Variants in NPC1L1 observed in about 807,000 individuals in gnomAD.
NPC1L1 encodes NPC1 like intracellular cholesterol transporter 1, also known as NPC1-like intracellular cholesterol transporter 1.
NPC1L1 carries 98 observed loss-of-function variants against 117.0 expected under a neutral mutation model. That is an observed-to-expected ratio of 0.84 (90% CI 0.71 to 0.99). The LOEUF is 0.99. Ranked by LOEUF, NPC1L1 falls within the 50% of genes least tolerant of loss-of-function variation. NPC1L1 has a pLI of 0.00. For missense variants in NPC1L1, 1,540 were observed against 1,710.0 expected, an observed-to-expected ratio of 0.90 and a Z score of 1.75; for synonymous variants, 729 against 727.6, an observed-to-expected ratio of 1.00 and a Z score of -0.03.
At chr7:44,515,191 C>G (rs530754157) in intron 18 of NPC1L1, among the ~76,000 whole-genome samples, 1 of 151,548 alleles carries the variant, frequency 6.6e-6, no homozygotes, top group East Asian at 2.0e-4. Flanking sequence ...CCCATCTCTA[C>G]AAAAAATAAA....
intron 10 of NPC1L1, among the ~76,000 whole-genome samples, chr7:44,525,758 A>G (rs1234797066): frequency 6.6e-6 from 1 of 152,212 alleles, no homozygotes; most frequent in African/African-American, 2.4e-5. Flanking sequence ...AAAAATAGAA[A>G]ATATTGAAAA....
At position 44,515,950 on chromosome 7, in the gene NPC1L1, C is replaced by T; in HGVS notation, c.3649G>A (p.Ala1217Thr). ...SMGSAVFAGVAMTNLPGILVL... is the reference protein window; with the variant it reads ...SMGSAVFAGVTMTNLPGILVL... ...AGGATGCCAGGCAGGTTGGTCATGG[C>T]CACACCTGCAAACACCTGGGGGGTT... The change falls in exon 18 of 19, where the codon GCC becomes ACC. Residue 1217 changes from alanine to threonine, a missense_variant. Physicochemically the swap from Ala to Thr is moderately conservative, Grantham distance 58. Coordinates refer to ENST00000381160, the MANE Select transcript of NPC1L1 (RefSeq NM_001101648.2). 6.2e-7 allele frequency: 1 copy of T among 1,613,986 alleles called. No individual in the cohort carries two copies. Among genetic ancestry groups the T allele is most frequent in the Non-Finnish European group, 8.5e-7 (1 of 1,179,958 alleles).
At chr7:44,513,675 C>T (rs757930533) in intron 18 of NPC1L1, 26 bp from the exon 19 acceptor site, 8 of 1,609,114 alleles carry the variant, frequency 5.0e-6, no homozygotes, top group Non-Finnish European at 6.8e-6. Context: ...GAACCACAGT[C>T]AGAGAGGTGG....
chr7:44,526,590 G>C lies in NPC1L1; in HGVS notation c.2638-4348C>G, dbSNP rs376927112. 2.7e-5 allele frequency among the ~76,000 whole-genome samples: 4 copies of C among 150,184 alleles called. 1 individual carries two copies. In the East Asian group the frequency reaches 7.7e-4, roughly 29 times the overall value. On this transcript the variant is annotated intron_variant, in intron 10 of 18. Coordinates refer to ENST00000381160, the MANE Select transcript of NPC1L1 (RefSeq NM_001101648.2). ...CTAAAAATTAAAAATAAAAATGAGG[G>C]AGATGCCAGATGAGGTGATTCGTCC... is the stretch of plus-strand genomic sequence containing the variant.
Position 44,539,502 on chromosome 7 carries a change from T to A in NPC1L1, c.895A>T (p.Thr299Ser). The A allele has an allele frequency of 6.2e-7, 1 of 1,613,506 alleles. No homozygotes were observed. Among genetic ancestry groups the A allele is most frequent in the South Asian group, 1.1e-5 (1 of 91,062 alleles). The change falls in exon 2 of 19, where the codon ACC becomes TCC. Residue 299 changes from threonine to serine, a missense_variant. Physicochemically the swap from Thr to Ser is moderately conservative, Grantham distance 58 (BLOSUM62 1). Coordinates refer to ENST00000381160, the MANE Select transcript of NPC1L1 (RefSeq NM_001101648.2). The surrounding 1 kb of genome is among the most constrained non-coding windows in gnomAD (Gnocchi z 4.4). ...IILCSVFAVV[T>S]ILLVGFRVAP... ...ACACGGAATCCCACAAGCAGGATGG[T>A]GACCACAGCGAAGACAGAGCAGAGG...
At chr7:44,515,343 G>T (rs1000597662) in intron 18 of NPC1L1, among the ~76,000 whole-genome samples, 3 of 152,160 alleles carry the variant, frequency 2.0e-5, no homozygotes, top group Admixed American at 6.5e-5. Flanking sequence ...GTCAGAGCAA[G>T]ACCCTGTCTC....
Position 44,536,026 on chromosome 7 carries a change from T to A in NPC1L1, c.1855-58A>T, listed in dbSNP as rs1369272539. On this transcript the variant is annotated intron_variant, in intron 4 of 18. Transcript: ENST00000381160. This position sits in a 1 kb window ranked among gnomAD's most constrained non-coding sequence, Gnocchi z 4.7. ...CCGTGCCTGCTTCAGCCAGGCCAGC[T>A]CTCAATAGCTCGGTCACTGGGCACT... 18 of 1,611,342 alleles carry A rather than the reference T, an allele frequency of 1.1e-5. No individual in the cohort carries two copies. In the East Asian group the frequency reaches 3.8e-4, roughly 34 times the overall value.
Position 44,532,113 on chromosome 7 carries a change from G to C in NPC1L1, c.2514C>G (p.Pro838=), listed in dbSNP as rs143681066. Residue 838 remains proline (P), a synonymous_variant, in exon 9 of 19, where the codon CCC becomes CCG. Transcript: ENST00000381160. ...LLGFFQKAYA[P]FLLHWITRGV... is the part of the protein sequence containing the mutation. ...CTCGAGTGATCCAGTGCAGCAGGAA[G>C]GGGGCATAAGCCTTTTGGAAGAAGC... The C allele has an allele frequency of 4.8e-4, 778 of 1,614,196 alleles. No individual in the cohort carries two copies. Among genetic ancestry groups the C allele is most frequent in the Non-Finnish European group, 6.3e-4 (741 of 1,180,036 alleles).
At chr7:44,519,565 C>T (rs1224794178) in intron 14 of NPC1L1, among the ~76,000 whole-genome samples, 2 of 152,156 alleles carry the variant, frequency 1.3e-5, no homozygotes, top group Non-Finnish European at 2.9e-5. Context: ...GCAGTTCAAA[C>T]TATGAATTAT....
Position 44,536,105 on chromosome 7 carries a change from T to C in NPC1L1, c.1855-137A>G. Reference sequence around the variant, plus strand: ...GGCCCCCTATAATCGCAGGTGAGGCTATAAGAACAGCCATCACAATCACCC... The same window carrying C: ...GGCCCCCTATAATCGCAGGTGAGGCCATAAGAACAGCCATCACAATCACCC... On this transcript the variant is annotated intron_variant, in intron 4 of 18. Transcript: ENST00000381160. The surrounding 1 kb of genome is among the most constrained non-coding windows in gnomAD (Gnocchi z 4.7). The C allele has an allele frequency of 1.3e-6, 2 of 1,538,704 alleles. No individual in the cohort carries two copies. The highest frequency in any genetic ancestry group is 1.8e-6 in the Non-Finnish European group (2 of 1,115,868).
At chr7:44,518,350 A>G (rs1801251994) in intron 14 of NPC1L1, among the ~76,000 whole-genome samples, 1 of 150,004 alleles carries the variant, frequency 6.7e-6, no homozygotes, top group South Asian at 2.2e-4. Context: ...TTGTATTTTT[A>G]GTAGAGACAG....
rs1413644589 is a variant in NPC1L1 at position 44,533,522 on chromosome 7, G to A, written c.2318C>T (p.Ala773Val). The A allele has an allele frequency of 2.5e-6, 4 of 1,614,212 alleles. No individual in the cohort carries two copies. The highest frequency in any genetic ancestry group is 2.5e-6 in the Non-Finnish European group (3 of 1,180,026). The change falls in exon 8 of 19, where the codon GCC (alanine) becomes GTC (valine). Residue 773 changes from alanine to valine, a missense_variant. This residue lies in a region of NPC1L1 where 742 missense variants were observed against 873.6 expected (regional missense o/e 0.85). Coordinates refer to ENST00000381160, the MANE Select transcript of NPC1L1 (RefSeq NM_001101648.2). ...GATCACTGCAAGGCCAGAGGTCAGG[G>A]CAAAGGTCCGCACAGCTGGCATGGG... ...LTPMPAVRTF[A>V]LTSGLAVILD...
At chr7:44,532,357 C>T (rs1411169080) in intron 8 of NPC1L1, 140 bp from the exon 9 acceptor site, 1 of 922,508 alleles carries the variant, frequency 1.1e-6, no homozygotes, top group African/African-American at 1.7e-5. Context: ...GTGCTGTTTT[C>T]TTTGCTTTTA....
chr7:44,540,049 G>C lies in NPC1L1; in HGVS notation c.348C>G (p.Cys116Trp), dbSNP rs1409550564. Reference sequence around the variant, plus strand: ...AGTGCAGGTTCACAAAATTGTCAGAGCAGGCTGGGCAGCGGGTGAGGAGGG... The same window carrying C: ...AGTGCAGGTTCACAAAATTGTCAGACCAGGCTGGGCAGCGGGTGAGGAGGG... The part of the protein sequence containing the change: ...TKALLTRCPA[C>W]SDNFVNLHCH... Residue 116 changes from cysteine (C) to tryptophan (W), a missense_variant, in exon 2 of 19, where the codon TGC (cysteine) becomes TGG (tryptophan). Physicochemically the swap from Cys to Trp is radical, Grantham distance 215. This residue lies in a region of NPC1L1 where 793 missense variants were observed against 820.4 expected (regional missense o/e 0.97). Coordinates refer to ENST00000381160, the MANE Select transcript of NPC1L1 (RefSeq NM_001101648.2). The C allele has an allele frequency of 6.2e-7, 1 of 1,614,112 alleles. No homozygotes were observed.
At chr7:44,532,739 ATG>A (rs1801743714) in intron 8 of NPC1L1, among the ~76,000 whole-genome samples, 1 of 152,222 alleles carries the variant, frequency 6.6e-6, no homozygotes, top group South Asian at 2.1e-4. Flanking sequence ...CATTCAAAAG[ATG>A]TGTTATCGAC....
intron 10 of NPC1L1, among the ~76,000 whole-genome samples, chr7:44,530,251 T>A (rs1801654994): frequency 6.6e-6 from 1 of 151,824 alleles, no homozygotes; most frequent in African/African-American, 2.4e-5. Context: ...GGCAGGAGAA[T>A]CACTTGAACC....
intron 10 of NPC1L1, among the ~76,000 whole-genome samples, chr7:44,522,795 A>T (rs768711512): frequency 2.0e-5 from 3 of 152,194 alleles, no homozygotes; most frequent in Non-Finnish European, 4.4e-5. Context: ...ATGCACAGAC[A>T]CATAATTGTA....
intron 10 of NPC1L1, among the ~76,000 whole-genome samples, chr7:44,523,801 C>T (rs540149291): frequency 6.6e-6 from 1 of 152,290 alleles, no homozygotes; most frequent in Non-Finnish European, 1.5e-5. Flanking sequence ...TGGAAGTTTG[C>T]TGCTGCAGTG....
At chr7:44,515,188 C>G (rs1801146421) in intron 18 of NPC1L1, among the ~76,000 whole-genome samples, 1 of 151,658 alleles carries the variant, frequency 6.6e-6, no homozygotes, top group Non-Finnish European at 1.5e-5. Flanking sequence ...GACCCCATCT[C>G]TACAAAAAAT....
Sources: gnomAD v4.1 joint callset for allele counts (sites outside exome capture counted in the v4.1 genomes callset) on GRCh38, gnomAD v4.1.1 for gene constraint, gnomAD v4.1.1 regional missense constraint, Gnocchi (gnomAD v3.1) non-coding constraint, MANE v1.5 for transcripts, NCBI Gene and HGNC (gene_info 2026-07-23, HGNC 2026-07-21) for gene names.